Variants in SMARCA5 observed in about 807,000 individuals in gnomAD.
SMARCA5 encodes the protein SWI/SNF-related matrix-associated actin-dependent regulator of chromatin subfamily A member 5.
A neutral mutation model predicts 140.4 loss-of-function variants in SMARCA5; 18 were observed. That is an observed-to-expected ratio of 0.13 (90% CI 0.09 to 0.19). The LOEUF is 0.19. Ranked by LOEUF, SMARCA5 falls within the 10% of genes least tolerant of loss-of-function variation. The pLI is 1.00. For synonymous variants in SMARCA5, 449 were observed against 419.6 expected, an observed-to-expected ratio of 1.07 and a Z score of -0.86; for missense variants, 606 against 1,276.8, an observed-to-expected ratio of 0.47 and a Z score of 8.01.
chr4:143,513,723 G>A lies in SMARCA5; in HGVS notation c.-202G>A. The A allele has an allele frequency of 1.7e-6, 1 of 597,354 alleles. No homozygotes were observed. The highest frequency in any genetic ancestry group is 2.9e-6 in the Non-Finnish European group (1 of 349,836). 37.0% of individuals were successfully genotyped at this position (597,354 alleles called of 1,614,324 possible). ...AAGCGCCGGTGGAACCTAGAGCCCC[G>A]CGGAAGAGCAGAACGTTTGGGAGTG... On this transcript the variant is annotated 5_prime_UTR_variant, in exon 1 of 24. Transcript: ENST00000283131.
intron 2 of SMARCA5, among the ~76,000 whole-genome samples, chr4:143,517,942 G>A (rs1338010554): frequency 6.6e-6 from 1 of 152,092 alleles, no homozygotes; most frequent in Non-Finnish European, 1.5e-5. Context: ...GTCTATGTAA[G>A]CCAAATGGAA....
intron 17 of SMARCA5, 52 bp downstream of exon 17, chr4:143,544,899 T>G (rs776297931): frequency 2.9e-5 from 26 of 890,188 alleles, no homozygotes; most frequent in Admixed American, 2.3e-5. Flanking sequence ...AAAATGTAAT[T>G]TTTTTCATAT....
chr4:143,535,814 A>G (rs1437177922), intron 10 of SMARCA5, among the ~76,000 whole-genome samples: 2 of 152,154 alleles, frequency 1.3e-5, no homozygotes, highest in South Asian at 2.1e-4. Flanking sequence ...CAAATTACTC[A>G]TTCTTTCATA....
intron 14 of SMARCA5, 90 bp from the exon 15 acceptor site, chr4:143,543,419 A>T: frequency 2.0e-6 from 2 of 996,732 alleles, no homozygotes; most frequent in Non-Finnish European, 1.5e-6. Flanking sequence ...AGATAAAATT[A>T]TAAAGCATTA....
At chr4:143,542,225 T>G (rs749954760) in intron 14 of SMARCA5, among the ~76,000 whole-genome samples, 3 of 152,174 alleles carry the variant, frequency 2.0e-5, no homozygotes, top group Non-Finnish European at 4.4e-5. Flanking sequence ...ATCTTGAGGT[T>G]TTTTTACTTC....
At chr4:143,546,678 TGA>T in intron 19 of SMARCA5, 96 bp from the exon 20 acceptor site, 1 of 1,142,990 alleles carries the variant, frequency 8.7e-7, no homozygotes, top group Non-Finnish European at 1.2e-6. Flanking sequence ...AATAAACTAG[TGA>T]AAATTTGTTT....
intron 15 of SMARCA5, 55 bp from the exon 16 acceptor site, chr4:143,543,798 A>G (rs1737473682): frequency 1.9e-6 from 3 of 1,565,484 alleles, no homozygotes; most frequent in Non-Finnish European, 2.6e-6. Context: ...TTTTGACTGC[A>G]GTTTTCATGC....
In SMARCA5 at chr4:143,534,881, A is replaced by G. The variant is rs1049632640; in HGVS notation, c.1185A>G (p.Arg395=). Residue 395 remains arginine (R), a synonymous_variant, in exon 10 of 24, where the codon CGA becomes CGG. Coordinates refer to ENST00000283131, the MANE Select transcript of SMARCA5 (RefSeq NM_003601.4). Reference sequence around the variant, plus strand: ...TTTTGCGTCCATTCCTCCTTCGTCGAATTAAGGCTGATGTTGAAAAGAGTT... The same window carrying G: ...TTTTGCGTCCATTCCTCCTTCGTCGGATTAAGGCTGATGTTGAAAAGAGTT... ...HMVLRPFLLR[R]IKADVEKSLP... is the part of the protein sequence containing the mutation. The G allele has an allele frequency of 6.2e-7, 1 of 1,612,904 alleles. No homozygotes were observed. The highest frequency in any genetic ancestry group is 1.3e-5 in the African/African-American group (1 of 74,858).
intron 14 of SMARCA5, among the ~76,000 whole-genome samples, chr4:143,541,688 CTCTT>C (rs1737427885): frequency 6.6e-6 from 1 of 152,144 alleles, no homozygotes; most frequent in South Asian, 2.1e-4. Flanking sequence ...ACTTTGTTAA[CTCTT>C]AAGTGTTTAA....
Position 143,547,407 on chromosome 4 carries a change from C to T in SMARCA5, c.2676C>T (p.Asn892=), listed in dbSNP as rs148355696. ...CAGCTGTGTTTTGGGAAAGGTGCAA[C>T]GAGCTCCAGGACATAGAGAAGATTA... The part of the protein sequence containing the change: ...EYSAVFWERC[N]ELQDIEKIMA... Residue 892 remains asparagine (N), a synonymous_variant, in exon 21 of 24, where the codon AAC becomes AAT. Transcript: ENST00000283131. The T allele has an allele frequency of 1.6e-5, 26 of 1,599,530 alleles. No individual in the cohort carries two copies. Among genetic ancestry groups the T allele is most frequent in the Middle Eastern group, 1.7e-4 (1 of 6,036 alleles).
At chr4:143,523,314 A>G (rs925932194) in intron 3 of SMARCA5, among the ~76,000 whole-genome samples, 1 of 150,596 alleles carries the variant, frequency 6.6e-6, no homozygotes, top group African/African-American at 2.4e-5. Flanking sequence ...GGCGTGAGCC[A>G]CTGTGCCTGG....
chr4:143,538,106 A>G (rs1274712994), intron 11 of SMARCA5, among the ~76,000 whole-genome samples: 1 of 152,108 alleles, frequency 6.6e-6, no homozygotes, highest in East Asian at 1.9e-4. Flanking sequence ...GCAGTCGGAT[A>G]GTTTGAATCA....
chr4:143,544,841 A>C lies in SMARCA5; in HGVS notation c.2277A>C (p.Ala759=), dbSNP rs1373381162. 1 of 1,570,568 alleles carries C rather than the reference A, an allele frequency of 6.4e-7. No individual in the cohort carries two copies. Among genetic ancestry groups the C allele is most frequent in the African/African-American group, 1.4e-5 (1 of 73,686 alleles). The change falls in exon 17 of 24, where the codon GCA becomes GCC. Residue 759 remains alanine (A), a synonymous_variant. Transcript: ENST00000283131. The stretch of plus-strand genomic sequence containing the variant: ...CTCTTCGTGTTAGTGAACCTAAAGC[A>C]CCCAAGGTGAGTTGACTGACACAGC... ...REALRVSEPK[A]PKAPRPPKQP... is the part of the protein sequence containing the mutation.
At chr4:143,539,890 C>T (rs1737395008) in intron 13 of SMARCA5, among the ~76,000 whole-genome samples, 1 of 151,978 alleles carries the variant, frequency 6.6e-6, no homozygotes, top group South Asian at 2.1e-4. Context: ...GAAAATGGAC[C>T]AATTATTAGA....
intron 1 of SMARCA5, among the ~76,000 whole-genome samples, chr4:143,515,081 G>A (rs1046879882): frequency 6.6e-6 from 1 of 152,150 alleles, no homozygotes; most frequent in Non-Finnish European, 1.5e-5. Context: ...TATTTTGTGA[G>A]TCGGAGCCCA....
chr4:143,521,650 A>G (rs374327719), intron 3 of SMARCA5, 55 bp downstream of exon 3: 10 of 1,409,648 alleles, frequency 7.1e-6, no homozygotes, highest in East Asian at 7.0e-5. Flanking sequence ...GATAGTCTTC[A>G]GTGGAAGCAT....
chr4:143,513,758 T>A lies in SMARCA5; in HGVS notation c.-167T>A. 3 of 711,508 alleles carry A rather than the reference T, an allele frequency of 4.2e-6. No individual in the cohort carries two copies. Among genetic ancestry groups the A allele is most frequent in the Non-Finnish European group, 6.8e-6 (3 of 441,010 alleles). The allele number at this position is 711,508 out of a possible 1,614,324, so 44.1% of individuals were successfully genotyped here. The stretch of plus-strand genomic sequence containing the variant: ...AGAACGTTTGGGAGTGTGCAGCTCC[T>A]GGGCCCGGCTCAGGCCCGTCGCGGA... On this transcript the variant is annotated 5_prime_UTR_variant, in exon 1 of 24. Transcript: ENST00000283131.
chr4:143,531,920 C>G (rs1208821931), intron 9 of SMARCA5, among the ~76,000 whole-genome samples: 1 of 152,306 alleles, frequency 6.6e-6, no homozygotes, highest in East Asian at 1.9e-4. Context: ...AGGTGCCCTT[C>G]TGTGTATTCC....
At position 143,543,890 on chromosome 4, in the gene SMARCA5, A is replaced by G. The variant is rs950245563; in HGVS notation, c.2090A>G (p.Glu697Gly). The G allele has an allele frequency of 1.2e-6, 2 of 1,611,232 alleles. No homozygotes were observed. Among genetic ancestry groups the G allele is most frequent in the African/African-American group, 2.7e-5 (2 of 74,820 alleles). The change falls in exon 16 of 24, where the codon GAA (glutamate) becomes GGA (glycine). Residue 697 changes from glutamate (E) to glycine (G), a missense_variant. Transcript: ENST00000283131. Reference protein sequence around the residue: ...EMNEKLSKMGESSLRNFTMDT... With the variant: ...EMNEKLSKMGGSSLRNFTMDT... ...AATGAAAAGCTCTCCAAGATGGGCG[A>G]AAGTTCACTTAGAAACTTTACAATG... is the stretch of plus-strand genomic sequence containing the variant.
Sources: gnomAD v4.1 joint callset for allele counts (sites outside exome capture counted in the v4.1 genomes callset) on GRCh38, gnomAD v4.1.1 for gene constraint, MANE v1.5 for transcripts, NCBI Gene and HGNC (gene_info 2026-07-23, HGNC 2026-07-21) for gene names.